PPHLN1: variants seen among roughly 807,000 people sequenced by gnomAD.
PPHLN1 encodes periphilin-1.
PPHLN1 carries 29 observed loss-of-function variants against 51.3 expected under a neutral mutation model. The ratio of observed to expected loss-of-function variants is 0.57; its 90% CI spans 0.42 to 0.77. The LOEUF is 0.77. Ranked by LOEUF, PPHLN1 falls within the 30% of genes least tolerant of loss-of-function variation. PPHLN1 has a pLI of 0.00. For synonymous variants in PPHLN1, 147 were observed against 147.8 expected, an observed-to-expected ratio of 0.99 and a Z score of 0.04; for missense variants, 436 against 438.4, an observed-to-expected ratio of 0.99 and a Z score of 0.05.
chr12:42,378,310 C>CA (rs2076477165), intron 5 of PPHLN1, among the ~76,000 whole-genome samples: 1 of 151,690 alleles, frequency 6.6e-6, no homozygotes, highest in Admixed American at 6.6e-5. Context: ...GATAATCTTG[C>CA]AAAAAAGTGA....
chr12:42,328,828 A>G (rs1007396550), intron 1 of PPHLN1, among the ~76,000 whole-genome samples: 2 of 151,428 alleles, frequency 1.3e-5, no homozygotes, highest in African/African-American at 4.9e-5. Context: ...TCCTGCCTCA[A>G]CTTCCTGAGT....
At chr12:42,431,714 T>A in intron 9 of PPHLN1, 1 of 1,087,232 alleles carries the variant, frequency 9.2e-7, no homozygotes. Flanking sequence ...TTTCTTCTTT[T>A]AAGGTATTAA....
chr12:42,428,783 A>G (rs2081746800), intron 9 of PPHLN1, among the ~76,000 whole-genome samples: 1 of 151,200 alleles, frequency 6.6e-6, no homozygotes, highest in Non-Finnish European at 1.5e-5. Flanking sequence ...AAGTTTTAAT[A>G]CTTAATTAAA....
Position 42,441,538 on chromosome 12 carries a change from A to AAC in PPHLN1, c.*30_*31insCA. On this transcript the variant is annotated 3_prime_UTR_variant, in exon 10 of 10. Transcript: ENST00000358314. ...TTTCTGCTCAGGCTAAAAAAAAAAAAAAACAGTTTCTAAAAATTTTTTTTC... is the reference window on the plus strand; with the variant it reads ...TTTCTGCTCAGGCTAAAAAAAAAAAAACAAACAGTTTCTAAAAATTTTTTTTC... 6.6e-7 allele frequency: 1 copy of AAC among 1,522,518 alleles called. No individual in the cohort carries two copies. Among genetic ancestry groups the AAC allele is most frequent in the East Asian group, 2.3e-5 (1 of 43,734 alleles). 94.3% of individuals were successfully genotyped at this position (1,522,518 alleles called of 1,614,324 possible).
chr12:42,353,377 A>G (rs1376225874), intron 3 of PPHLN1, among the ~76,000 whole-genome samples: 1 of 152,182 alleles, frequency 6.6e-6, no homozygotes, highest in Non-Finnish European at 1.5e-5. Context: ...GGCTGTTGGA[A>G]TTAGTTTTCA....
chr12:42,396,980 G>A (rs2078286858), intron 8 of PPHLN1, among the ~76,000 whole-genome samples: 1 of 150,612 alleles, frequency 6.6e-6, no homozygotes, highest in African/African-American at 2.4e-5. Context: ...TGAGGCTGCA[G>A]TGAGCTGTGA....
chr12:42,431,763 T>C (rs1223359982), intron 9 of PPHLN1: 1 of 1,032,258 alleles, frequency 9.7e-7, no homozygotes, highest in African/African-American at 1.6e-5. Flanking sequence ...CTTAGAAATG[T>C]CATTGCCAGA....
intron 9 of PPHLN1, among the ~76,000 whole-genome samples, chr12:42,427,633 T>A (rs2081616632): frequency 6.6e-6 from 1 of 152,228 alleles, no homozygotes; most frequent in South Asian, 2.1e-4. Context: ...TACTTACATC[T>A]ACGACCTGAA....
At chr12:42,417,221 A>G (rs1175609303) in intron 9 of PPHLN1, among the ~76,000 whole-genome samples, 3 of 152,204 alleles carry the variant, frequency 2.0e-5, no homozygotes, top group Non-Finnish European at 4.4e-5. Flanking sequence ...AGAATGAGAG[A>G]CTGAAGAGGA....
chr12:42,375,501 G>A (rs1249014218), intron 5 of PPHLN1, among the ~76,000 whole-genome samples: 4 of 151,364 alleles, frequency 2.6e-5, no homozygotes, highest in East Asian at 1.9e-4. Flanking sequence ...TAGTAGAGAC[G>A]GGGTTTCACC....
chr12:42,407,373 C>T lies in PPHLN1; in HGVS notation c.909+8379C>T, dbSNP rs549865635. 3.3e-5 allele frequency among the ~76,000 whole-genome samples: 5 copies of T among 152,312 alleles called. No individual in the cohort carries two copies. In the South Asian group the frequency reaches 8.3e-4, roughly 25 times the overall value. On this transcript the variant is annotated intron_variant, in intron 9 of 9. Transcript: ENST00000358314. ...ATGCTGTTGGCAGAAGATTTTGGTT[C>T]CTTTCCTTGCCATATGGGCCTCTCC...
intron 5 of PPHLN1, among the ~76,000 whole-genome samples, chr12:42,380,897 CA>C (rs2076701503): frequency 1.3e-5 from 2 of 152,138 alleles, no homozygotes; most frequent in South Asian, 4.1e-4. Flanking sequence ...AATCAACAAA[CA>C]TATATTGAAC....
intron 9 of PPHLN1, among the ~76,000 whole-genome samples, chr12:42,420,648 T>TTCCTTCCC (rs1481003110): frequency 2.8e-5 from 4 of 140,820 alleles, no homozygotes; most frequent in Admixed American, 7.1e-5. Context: ...ATATCCTTCC[T>TTCCTTCCC]TCCTTCCCTC....
In PPHLN1 at chr12:42,404,267, G is replaced by A. The variant is rs140096034; in HGVS notation, c.909+5273G>A. Among the ~76,000 whole-genome samples, 28 of 152,152 alleles carry A rather than the reference G, an allele frequency of 1.8e-4. 1 individual carries two copies. The East Asian group carries it at 5.4e-3, about 29-fold the overall frequency. On this transcript the variant is annotated intron_variant, in intron 9 of 9. Coordinates refer to ENST00000358314, the MANE Select transcript of PPHLN1 (RefSeq NM_201439.2). ...TTTTAGGCTGGGCACAGTGGCTCAC[G>A]CCTGTAATCCCAGCACTTTGGGGGG...
chr12:42,366,161 C>A (rs1414426226), intron 4 of PPHLN1, among the ~76,000 whole-genome samples: 2 of 150,894 alleles, frequency 1.3e-5, no homozygotes, highest in Non-Finnish European at 2.9e-5. Context: ...ATGATACTTG[C>A]ACAAAGAAAA....
intron 1 of PPHLN1, among the ~76,000 whole-genome samples, chr12:42,328,683 G>C (rs1300226385): frequency 1.3e-5 from 2 of 152,190 alleles, no homozygotes; most frequent in African/African-American, 2.4e-5. Flanking sequence ...CAAGTGACTT[G>C]TGAAACTAGT....
intron 9 of PPHLN1, among the ~76,000 whole-genome samples, chr12:42,426,571 A>G (rs1592945631): frequency 6.6e-6 from 1 of 152,210 alleles, no homozygotes; most frequent in Non-Finnish European, 1.5e-5. Context: ...AAATAATACA[A>G]AGGTCTATAT....
At position 42,332,110 on chromosome 12, in the gene PPHLN1, G is replaced by A. The variant is rs573263854; in HGVS notation, c.-20-3773G>A. Among the ~76,000 whole-genome samples the A allele has an allele frequency of 2.6e-5, 4 of 152,176 alleles. No homozygotes were observed. In the South Asian group the frequency reaches 6.2e-4, roughly 24 times the overall value. Reference sequence around the variant, plus strand: ...TTCCAGCTACTAGGGAGGTTGAGTCGGGAGGATCACTTGAGCCCAGGAGGT... The same window carrying A: ...TTCCAGCTACTAGGGAGGTTGAGTCAGGAGGATCACTTGAGCCCAGGAGGT... On this transcript the variant is annotated intron_variant, in intron 1 of 9. Transcript: ENST00000358314.
At chr12:42,351,860 A>G in intron 2 of PPHLN1, 25 bp from the exon 3 acceptor site, 11 of 1,529,564 alleles carry the variant, frequency 7.2e-6, no homozygotes, top group Non-Finnish European at 9.6e-6. Context: ...AGTCATTTGT[A>G]TATATTTCTT....
Sources: allele counts gnomAD v4.1 joint callset (sites outside exome capture counted in the v4.1 genomes callset), GRCh38; gene constraint gnomAD v4.1.1; transcripts MANE v1.5; gene names NCBI Gene and HGNC (gene_info 2026-07-23, HGNC 2026-07-21).